Variants in ADGRV1 observed in about 807,000 individuals in gnomAD.
ADGRV1 encodes the protein adhesion G protein-coupled receptor V1.
Under a neutral mutation model 596.2 loss-of-function variants are expected in ADGRV1, and 359 were observed. That is an observed-to-expected ratio of 0.60 (90% CI 0.55 to 0.66). ADGRV1 has a LOEUF of 0.66. ADGRV1 is among the 30% of genes least tolerant of loss of function. The pLI, the probability that ADGRV1 is intolerant of heterozygous loss-of-function variation, is 0.00. For synonymous variants in ADGRV1, 2,681 were observed against 2,679.2 expected, an observed-to-expected ratio of 1.00 and a Z score of -0.02; for missense variants, 7,274 against 7,575.6, an observed-to-expected ratio of 0.96 and a Z score of 1.48.
At chr5:90,715,751 TG>T (rs1750018819) in intron 42 of ADGRV1, among the ~76,000 whole-genome samples, 1 of 152,166 alleles carries the variant, frequency 6.6e-6, no homozygotes, top group African/African-American at 2.4e-5. Flanking sequence ...GCACCAGGTC[TG>T]CCACTTCCCA....
chr5:90,980,670 G>A (rs1199982591), intron 84 of ADGRV1, among the ~76,000 whole-genome samples: 1 of 152,202 alleles, frequency 6.6e-6, no homozygotes, highest in African/African-American at 2.4e-5. Context: ...AGTAAGCTAT[G>A]TTTAGTTAGC....
chr5:91,129,474 C>T (rs1794033317), intron 87 of ADGRV1, among the ~76,000 whole-genome samples: 1 of 152,102 alleles, frequency 6.6e-6, no homozygotes, highest in Non-Finnish European at 1.5e-5. Flanking sequence ...TTTTGGGCGA[C>T]ATCATAGATC....
At chr5:90,583,041 A>G (rs1758272296) in intron 1 of ADGRV1, among the ~76,000 whole-genome samples, 1 of 152,196 alleles carries the variant, frequency 6.6e-6, no homozygotes, top group Admixed American at 6.5e-5. Context: ...CAAAAGTATA[A>G]ATAATTGGAA....
At chr5:90,836,267 A>G (rs944060424) in intron 77 of ADGRV1, among the ~76,000 whole-genome samples, 9 of 152,208 alleles carry the variant, frequency 5.9e-5, no homozygotes, top group Non-Finnish European at 1.3e-4. Flanking sequence ...ATGTTCACAC[A>G]AAAACTTGCA....
At chr5:90,776,258 G>A (rs1236918760) in intron 60 of ADGRV1, among the ~76,000 whole-genome samples, 195 bp from the exon 61 acceptor site, 4 of 152,170 alleles carry the variant, frequency 2.6e-5, no homozygotes, top group South Asian at 2.1e-4. Flanking sequence ...TTGGGCAAGC[G>A]ATTTGCCTCC....
At chr5:90,878,363 A>G (rs936583174) in intron 83 of ADGRV1, among the ~76,000 whole-genome samples, 4 of 152,208 alleles carry the variant, frequency 2.6e-5, no homozygotes, top group Non-Finnish European at 2.9e-5. Context: ...CCTCTCTTCC[A>G]GCTGATGTCT....
chr5:90,686,088 A>G (rs577113645), intron 29 of ADGRV1, 93 bp downstream of exon 29: 2 of 675,078 alleles, frequency 3.0e-6, no homozygotes, highest in East Asian at 3.5e-5. Context: ...CAAAGTTGCA[A>G]TTAGGATAAT....
chr5:90,816,248 T>G (rs529623748), intron 75 of ADGRV1, among the ~76,000 whole-genome samples: 1 of 152,162 alleles, frequency 6.6e-6, no homozygotes, highest in African/African-American at 2.4e-5. Flanking sequence ...GTGTTGTTTC[T>G]TTAGAAAAAT....
chr5:90,805,943 T>C (rs1761863712), intron 72 of ADGRV1, among the ~76,000 whole-genome samples: 2 of 152,104 alleles, frequency 1.3e-5, no homozygotes, highest in African/African-American at 2.4e-5. Flanking sequence ...AGCAAGCTCA[T>C]TGCAAATTTA....
intron 30 of ADGRV1, among the ~76,000 whole-genome samples, chr5:90,690,579 G>A (rs1474824225): frequency 6.6e-6 from 1 of 152,128 alleles, no homozygotes; most frequent in Non-Finnish European, 1.5e-5. Context: ...GAGCCCTATG[G>A]GCTTTGTGGT....
rs896312990 is a variant in ADGRV1, at chr5:90,975,962, C to G, written c.17974-9382C>G. ...CTCTGTTTTGCTAGTTCTGTTTTTCCTTCTTCTGTTCTGATTTGGTTTCAT... is the reference window on the plus strand; with the variant it reads ...CTCTGTTTTGCTAGTTCTGTTTTTCGTTCTTCTGTTCTGATTTGGTTTCAT... On this transcript the variant is annotated intron_variant, in intron 84 of 89. Transcript: ENST00000405460. 5.3e-5 allele frequency among the ~76,000 whole-genome samples: 8 copies of G among 151,622 alleles called. No homozygotes were observed. In the East Asian group the frequency reaches 9.7e-4, roughly 18 times the overall value.
intron 57 of ADGRV1, among the ~76,000 whole-genome samples, chr5:90,757,854 C>T (rs1756006656): frequency 6.6e-6 from 1 of 152,102 alleles, no homozygotes; most frequent in Non-Finnish European, 1.5e-5. Context: ...TAACTAGCAC[C>T]TCTATCTACA....
At chr5:90,761,490 A>G (rs1657995435) in intron 58 of ADGRV1, among the ~76,000 whole-genome samples, 1 of 152,244 alleles carries the variant, frequency 6.6e-6, no homozygotes, top group South Asian at 2.1e-4. Flanking sequence ...AAACTTCACA[A>G]TAACGTTTTT....
chr5:90,629,641 C>T (rs1386021656), intron 9 of ADGRV1, 102 bp downstream of exon 9: 15 of 884,152 alleles, frequency 1.7e-5, no homozygotes, highest in East Asian at 5.0e-5. Context: ...GTTATTTTGC[C>T]GTCATTTATA....
chr5:91,136,279 T>C (rs953633348), intron 87 of ADGRV1, among the ~76,000 whole-genome samples: 2 of 152,184 alleles, frequency 1.3e-5, no homozygotes, highest in Admixed American at 6.5e-5. Flanking sequence ...ATAAACCTTA[T>C]TGGTGAATCA....
chr5:90,712,205 T>C, intron 41 of ADGRV1, 82 bp from the exon 42 acceptor site: 1 of 777,798 alleles, frequency 1.3e-6, no homozygotes, highest in African/African-American at 1.8e-5. Context: ...TTCACAACTA[T>C]ATTGTATTTC....
At chr5:90,795,774 C>T (rs189231591) in intron 70 of ADGRV1, among the ~76,000 whole-genome samples, 20 of 152,288 alleles carry the variant, frequency 1.3e-4, no homozygotes, top group Middle Eastern at 6.8e-3. Context: ...GCAGGTGCCC[C>T]GCTGGGTCGA....
At chr5:90,861,031 A>C (rs1767501428) in intron 82 of ADGRV1, among the ~76,000 whole-genome samples, 1 of 152,090 alleles carries the variant, frequency 6.6e-6, no homozygotes, top group African/African-American at 2.4e-5. Flanking sequence ...ACAAACTTTC[A>C]AATATTGTAG....
chr5:90,726,960 C>A (rs966097967), intron 48 of ADGRV1, among the ~76,000 whole-genome samples: 1 of 152,130 alleles, frequency 6.6e-6, no homozygotes. Context: ...TTTAACATAT[C>A]CCAAACTGAA....
Sources: gnomAD v4.1 joint callset for allele counts (sites outside exome capture counted in the v4.1 genomes callset) on GRCh38, gnomAD v4.1.1 for gene constraint, MANE v1.5 for transcripts, NCBI Gene and HGNC (gene_info 2026-07-23, HGNC 2026-07-21) for gene names.